Variants in ERICH1 observed in about 807,000 individuals in gnomAD.
ERICH1 encodes the protein glutamate-rich protein 1.
Under a neutral mutation model 39.6 loss-of-function variants are expected in ERICH1, and 56 were observed. The observed-to-expected ratio is 1.41, with a 90% CI of 1.14 to 1.77. The LOEUF is 1.77. Ranked by LOEUF, ERICH1 falls within the 40% of genes most tolerant of loss-of-function variation. ERICH1 has a pLI of 0.00. For synonymous variants in ERICH1, 313 were observed against 223.6 expected (o/e 1.40, Z -3.57); for missense variants, 826 against 575.4 (o/e 1.44, Z -4.45).
chr8:699,766 G>GGC (rs1563295091), intron 2 of ERICH1, among the ~76,000 whole-genome samples: 128 of 108,892 alleles, frequency 1.2e-3, no homozygotes, highest in Non-Finnish European at 1.4e-3. Flanking sequence ...CACTCACACA[G>GGC]CCGCACAGAC....
chr8:679,659 C>T (rs80272249), intron 3 of ERICH1, among the ~76,000 whole-genome samples: 2,754 of 152,336 alleles, frequency 0.018, 30 homozygotes, highest in Middle Eastern at 0.034. Context: ...AAATCTAAAT[C>T]GGATACCGGA....
At chr8:713,006 G>C (rs988870304) in intron 2 of ERICH1, among the ~76,000 whole-genome samples, 1 of 152,242 alleles carries the variant, frequency 6.6e-6, no homozygotes, top group Non-Finnish European at 1.5e-5. Context: ...TTCTCTCACA[G>C]CCCGGAAGGC....
At chr8:638,253 A>T (rs1359754721) in intron 3 of ERICH1, among the ~76,000 whole-genome samples, 1 of 152,216 alleles carries the variant, frequency 6.6e-6, no homozygotes, top group African/African-American at 2.4e-5. Flanking sequence ...CAGTGTCCTA[A>T]GACCTTGCTT....
intron 1 of ERICH1, among the ~76,000 whole-genome samples, chr8:718,990 C>T (rs191393300): frequency 3.2e-4 from 48 of 152,288 alleles, no homozygotes; most frequent in African/African-American, 7.0e-4. Context: ...GTGTGTTGTG[C>T]GGTTTGTCAG....
intron 3 of ERICH1, chr8:615,764 C>T (rs1796873055): frequency 6.5e-6 from 1 of 152,932 alleles, no homozygotes; most frequent in Admixed American, 6.5e-5. Context: ...AAAAAACACC[C>T]ATTGCTAAGA....
At chr8:662,120 C>T (rs1485387485), downstream of ERICH1, among the ~76,000 whole-genome samples, 1 of 152,012 alleles carries the variant, frequency 6.6e-6, no homozygotes, top group Non-Finnish European at 1.5e-5. Flanking sequence ...CTGTGGAACC[C>T]AGGAAATGGC....
intron 2 of ERICH1, among the ~76,000 whole-genome samples, chr8:701,777 G>A (rs1368154232): frequency 6.6e-6 from 1 of 152,112 alleles, no homozygotes; most frequent in Non-Finnish European, 1.5e-5. Flanking sequence ...TCTAAACAAT[G>A]GAAGACACTG....
Position 664,318 on chromosome 8 carries a change from C to G in ERICH1, c.*285G>C. 1 of 1,076,434 alleles carries G rather than the reference C, an allele frequency of 9.3e-7. No individual in the cohort carries two copies. Among genetic ancestry groups the G allele is most frequent in the South Asian group, 4.2e-5 (1 of 23,778 alleles). The allele number at this position is 1,076,434 out of a possible 1,614,324, so 66.7% of individuals were successfully genotyped here. ...GCTTCAAACTATACATTTAACTTAA[C>G]AGAATGTCCATTTTCAATTTTTACA... is the stretch of plus-strand genomic sequence containing the variant. On this transcript the variant is annotated 3_prime_UTR_variant, in exon 6 of 6. Coordinates refer to ENST00000262109, the MANE Select transcript of ERICH1 (RefSeq NM_207332.3).
At position 699,892 on chromosome 8, in the gene ERICH1, C is replaced by G. The variant is rs866200420; in HGVS notation, c.170-7280G>C. Among the ~76,000 whole-genome samples, 252 of 56,076 alleles carry G rather than the reference C, an allele frequency of 4.5e-3. 5 individuals carry two copies. The highest frequency in any genetic ancestry group is 8.5e-3 in the African/African-American group (131 of 15,426). The allele number at this position is 56,076 out of a possible 152,430, so 36.8% of individuals were successfully genotyped here. On this transcript the variant is annotated intron_variant, in intron 2 of 5. Transcript: ENST00000262109. Reference sequence around the variant, plus strand: ...CCTCACAGGCGCACAGATCCGCACACGCGCACAGACCCGCACAGGCGCACA... The same window carrying G: ...CCTCACAGGCGCACAGATCCGCACAGGCGCACAGACCCGCACAGGCGCACA...
At chr8:663,843 T>C (rs1313747013), downstream of ERICH1, among the ~76,000 whole-genome samples, 1 of 151,990 alleles carries the variant, frequency 6.6e-6, no homozygotes, top group East Asian at 1.9e-4. Flanking sequence ...CACTGCAAGC[T>C]CTGCCTCCCA....
intron 3 of ERICH1, among the ~76,000 whole-genome samples, chr8:682,326 T>C (rs1437658563): frequency 6.6e-6 from 1 of 152,212 alleles, no homozygotes; most frequent in East Asian, 1.9e-4. Flanking sequence ...AATAAGACAG[T>C]TGGCTCAGCA....
At position 616,286 on chromosome 8, in the gene ERICH1, A is replaced by G. The variant is rs888538465; in HGVS notation, c.977-1002T>C. ...GATCTTTGTAACGTTGCATTTTCAC[A>G]TTTGTGTGGCAGGACAAGCATGGGG... is the stretch of plus-strand genomic sequence containing the variant. On this transcript the variant is annotated intron_variant, in intron 3 of 3. Coordinates refer to the ERICH1 transcript ENST00000522706. The G allele has an allele frequency of 3.3e-5, 10 of 302,500 alleles. No individual in the cohort carries two copies. The Admixed American group carries it at 4.3e-4, about 13-fold the overall frequency. The allele number at this position is 302,500 out of a possible 1,614,324, so 18.7% of individuals were successfully genotyped here. A position where few individuals can be genotyped will look rare whatever the true frequency, so the allele number is the denominator to read the frequency against.
intron 1 of ERICH1, among the ~76,000 whole-genome samples, chr8:724,992 G>A (rs377422625): frequency 2.2e-4 from 34 of 152,296 alleles, no homozygotes; most frequent in African/African-American, 7.5e-4. Context: ...GTCCTTTTCG[G>A]GTGCTGTGGT....
intron 3 of ERICH1, among the ~76,000 whole-genome samples, chr8:632,320 T>C (rs940650742): frequency 6.2e-5 from 9 of 144,500 alleles, no homozygotes; most frequent in Non-Finnish European, 1.5e-5. Flanking sequence ...AATTTCTAAT[T>C]AGCAGTAAAA....
At chr8:727,018 GCATGCACACACATA>G (rs949722709) in intron 1 of ERICH1, among the ~76,000 whole-genome samples, 1 of 145,176 alleles carries the variant, frequency 6.9e-6, no homozygotes, top group African/African-American at 2.6e-5. Context: ...GCACACACAT[GCATGCACACACATA>G]CACCACTCAG....
At chr8:642,094 A>G (rs901332287) in intron 3 of ERICH1, among the ~76,000 whole-genome samples, 3 of 152,162 alleles carry the variant, frequency 2.0e-5, no homozygotes, top group African/African-American at 7.2e-5. Context: ...CCCAGAGATG[A>G]TTTCACTTTG....
chr8:700,222 C>CACAGGCCCGG (rs1811632655), intron 2 of ERICH1, among the ~76,000 whole-genome samples: 3 of 84,080 alleles, frequency 3.6e-5, no homozygotes, highest in Admixed American at 1.2e-4. Flanking sequence ...CACACACCCG[C>CACAGGCCCGG]ACACGCGCAC....
intron 1 of ERICH1, among the ~76,000 whole-genome samples, chr8:718,099 C>T (rs1816442610): frequency 6.6e-6 from 1 of 151,964 alleles, no homozygotes; most frequent in Admixed American, 6.6e-5. Flanking sequence ...CACCAGGGTA[C>T]AGATTGGAGT....
Position 678,007 on chromosome 8 carries a change from G to A in ERICH1, c.305-3960C>T, listed in dbSNP as rs572763843. Among the ~76,000 whole-genome samples the A allele has an allele frequency of 1.8e-4, 27 of 152,184 alleles. 1 individual carries two copies. In the South Asian group the frequency reaches 4.6e-3, roughly 26 times the overall value. On this transcript the variant is annotated intron_variant, in intron 3 of 5. Transcript: ENST00000262109. ...TGGTTGCCCTGTTGAGATCGACTGC[G>A]CTATTGATCTATTTTTATAAGACTA...
Sources: gnomAD v4.1 joint callset for allele counts (sites outside exome capture counted in the v4.1 genomes callset) on GRCh38, gnomAD v4.1.1 for gene constraint, MANE v1.5 for transcripts, NCBI Gene and HGNC (gene_info 2026-07-23, HGNC 2026-07-21) for gene names.